The following ABCB5 variants were observed in gnomAD, a reference collection of about 807,000 sequenced individuals.
ABCB5 encodes the protein ATP-binding cassette sub-family B member 5.
In ABCB5, 155 loss-of-function variants were observed where a neutral mutation model predicts 144.2. The observed-to-expected ratio is 1.08, with a 90% CI of 0.94 to 1.23. ABCB5 has a LOEUF of 1.23. Ranked by LOEUF, ABCB5 falls within the 50% of genes most tolerant of loss-of-function variation. The probability of loss-of-function intolerance (pLI) is 0.00; values close to 1 mark genes in which losing one functional copy is unlikely to be tolerated. For synonymous variants in ABCB5, 610 were observed against 528.6 expected, an observed-to-expected ratio of 1.15 and a Z score of -2.11; for missense variants, 1,830 against 1,520.8, an observed-to-expected ratio of 1.20 and a Z score of -3.38.
At chr7:20,681,724 C>T (rs1455903192) in intron 15 of ABCB5, 58 bp downstream of exon 15, 3 of 1,544,510 alleles carry the variant, frequency 1.9e-6, no homozygotes, top group South Asian at 1.2e-5. Flanking sequence ...AGAGATCATA[C>T]CACACTAGAA....
At chr7:20,689,269 G>T (rs1310426514) in intron 16 of ABCB5, among the ~76,000 whole-genome samples, 2 of 152,180 alleles carry the variant, frequency 1.3e-5, no homozygotes, top group African/African-American at 2.4e-5. Context: ...GGAGAGGCAG[G>T]CCTCAATGGA....
At chr7:20,645,528 G>A (rs2128023562) in intron 7 of ABCB5, among the ~76,000 whole-genome samples, 1 of 152,300 alleles carries the variant, frequency 6.6e-6, no homozygotes, top group Non-Finnish European at 1.5e-5. Context: ...ATGGAGAAAA[G>A]GGCATGTGAA....
At chr7:20,639,199 G>A (rs1784233370) in intron 5 of ABCB5, among the ~76,000 whole-genome samples, 1 of 152,010 alleles carries the variant, frequency 6.6e-6, no homozygotes, top group Admixed American at 6.6e-5. Context: ...TTTAAATTGT[G>A]CCATTTGTCT....
At chr7:20,661,631 G>A (rs1347341681) in intron 14 of ABCB5, among the ~76,000 whole-genome samples, 2 of 150,768 alleles carry the variant, frequency 1.3e-5, no homozygotes, top group Non-Finnish European at 2.9e-5. Context: ...CGCCTCCTGG[G>A]ATAAGCAGTT....
chr7:20,748,487 T>C (rs914577156), intron 26 of ABCB5, among the ~76,000 whole-genome samples: 30 of 151,938 alleles, frequency 2.0e-4, no homozygotes, highest in South Asian at 1.7e-3. Context: ...CTGTCTTTAC[T>C]AATAATACAA....
chr7:20,724,628 C>CAA (rs34395637), intron 21 of ABCB5, among the ~76,000 whole-genome samples: 23,897 of 88,452 alleles, frequency 0.27, 3,060 homozygotes, highest in Non-Finnish European at 0.35. Context: ...AGCTCTGTCT[C>CAA]AAAAAAAAAA....
intron 20 of ABCB5, among the ~76,000 whole-genome samples, chr7:20,713,125 T>A (rs1291119090): frequency 6.7e-6 from 1 of 149,816 alleles, no homozygotes; most frequent in Non-Finnish European, 1.5e-5. Flanking sequence ...AGATTCTACA[T>A]ATAAGTGAGA....
chr7:20,648,194 G>A, intron 11 of ABCB5, 116 bp downstream of exon 11: 2 of 656,308 alleles, frequency 3.0e-6, no homozygotes, highest in Non-Finnish European at 5.3e-6. Flanking sequence ...TGGCTACTTT[G>A]CTTAGAGACT....
rs1166322539 is a variant in ABCB5 at position 20,661,529 on chromosome 7, C to CTTTTCT, written c.1707+2864_1707+2869dup. 3.8e-5 allele frequency among the ~76,000 whole-genome samples: 5 copies of CTTTTCT among 130,462 alleles called. No individual in the cohort carries two copies. In the South Asian group the frequency reaches 1.3e-3, roughly 33 times the overall value. 85.6% of individuals were successfully genotyped at this position (130,462 alleles called of 152,430 possible). ...AGAAATATTCTTTTTTGCTTTCTTTCTTTTCTTTTTCTTTTTTTTTTTTTG... is the reference window on the plus strand; with the variant it reads ...AGAAATATTCTTTTTTGCTTTCTTTCTTTTCTTTTTCTTTTTCTTTTTTTTTTTTTG... On this transcript the variant is annotated intron_variant, in intron 14 of 27. Coordinates refer to ENST00000404938, the MANE Select transcript of ABCB5 (RefSeq NM_001163941.2).
chr7:20,738,604 C>T (rs1001442281), intron 23 of ABCB5, among the ~76,000 whole-genome samples: 1 of 152,186 alleles, frequency 6.6e-6, no homozygotes, highest in African/African-American at 2.4e-5. Context: ...CTGTGTAAAT[C>T]CAGATCTCAC....
Position 20,739,092 on chromosome 7 carries a change from G to GA in ABCB5, c.2981dup (p.Lys995GlufsTer18). The GA allele has an allele frequency of 6.2e-7, 1 of 1,609,796 alleles. No homozygotes were observed. The highest frequency in any genetic ancestry group is 8.5e-7 in the Non-Finnish European group (1 of 1,178,134). On this transcript the variant is annotated frameshift_variant, in exon 24 of 28. Transcript: ENST00000404938. LOFTEE classifies it high-confidence loss of function. The stretch of plus-strand genomic sequence containing the variant: ...GGCTGCGCATCTGTTTGCCTTGTTG[G>GA]AAAAGAAACCAAATATAGACAGCCG...
At chr7:20,708,167 T>C (rs973503781) in intron 20 of ABCB5, among the ~76,000 whole-genome samples, 1 of 152,182 alleles carries the variant, frequency 6.6e-6, no homozygotes, top group African/African-American at 2.4e-5. Flanking sequence ...TGACATTACT[T>C]TTGATTCAAA....
chr7:20,657,121 C>A (rs59488551), intron 13 of ABCB5, among the ~76,000 whole-genome samples: 30,030 of 151,640 alleles, frequency 0.2, 3,237 homozygotes, highest in African/African-American at 0.28. Context: ...GTTGCCCAGG[C>A]TGGTGTCAAA....
intron 26 of ABCB5, among the ~76,000 whole-genome samples, chr7:20,752,300 C>A (rs1291844860): frequency 3.3e-5 from 5 of 152,168 alleles, no homozygotes; most frequent in Non-Finnish European, 5.9e-5. Context: ...CAATGTGAAG[C>A]CTTGAAAGGA....
At chr7:20,652,075 T>C (rs1784613910) in intron 13 of ABCB5, among the ~76,000 whole-genome samples, 1 of 152,172 alleles carries the variant, frequency 6.6e-6, no homozygotes, top group Admixed American at 6.5e-5. Context: ...ATGAAAGATA[T>C]GTTAAAGCAT....
In ABCB5 at chr7:20,726,347, A is replaced by G. The variant is rs890737032; in HGVS notation, c.2626-693A>G. On this transcript the variant is annotated intron_variant, in intron 21 of 27. Coordinates refer to ENST00000404938, the MANE Select transcript of ABCB5 (RefSeq NM_001163941.2). ...AATAAAATAATTATGTGATTACTTT[A>G]TCTCTGCTATCTTTTTTTTTTTTTT... 5.4e-5 allele frequency among the ~76,000 whole-genome samples: 7 copies of G among 130,178 alleles called. No homozygotes were observed. The East Asian group carries it at 1.6e-3, about 30-fold the overall frequency. The allele number at this position is 130,178 out of a possible 152,430, so 85.4% of individuals were successfully genotyped here.
intron 14 of ABCB5, among the ~76,000 whole-genome samples, chr7:20,663,832 CA>C (rs1407933887): frequency 1.3e-5 from 2 of 151,242 alleles, no homozygotes; most frequent in Non-Finnish European, 2.9e-5. Flanking sequence ...TCTCCTGCCT[CA>C]CCCTCCAGAG....
At chr7:20,667,718 TGCCCCTGCCC>T (rs1785249452) in intron 14 of ABCB5, among the ~76,000 whole-genome samples, 1 of 126,096 alleles carries the variant, frequency 7.9e-6, no homozygotes, top group African/African-American at 2.9e-5. Flanking sequence ...CCCCTGCCCC[TGCCCCTGCCC>T]CTGCCTCTGC....
At position 20,711,849 on chromosome 7, in the gene ABCB5, CTT is replaced by C. The variant is rs1486175655; in HGVS notation, c.2421+7044_2421+7045del. Among the ~76,000 whole-genome samples the C allele has an allele frequency of 3.8e-4, 23 of 60,746 alleles. 2 individuals carry two copies. The highest frequency in any genetic ancestry group is 1.3e-3 in the African/African-American group (19 of 15,040). The allele number at this position is 60,746 out of a possible 152,430, so 39.9% of individuals were successfully genotyped here. On this transcript the variant is annotated intron_variant, in intron 20 of 27. Transcript: ENST00000404938. ...CTTTCTTTCTTTCTTTCTTTCTTTTCTTTCTTTCTTTCCTTCCTCCCTCCCTC... is the reference window on the plus strand; with the variant it reads ...CTTTCTTTCTTTCTTTCTTTCTTTTCTCTTTCTTTCCTTCCTCCCTCCCTC...
Sources: allele counts gnomAD v4.1 joint callset (sites outside exome capture counted in the v4.1 genomes callset), GRCh38; gene constraint gnomAD v4.1.1; transcripts MANE v1.5; gene names NCBI Gene and HGNC (gene_info 2026-07-23, HGNC 2026-07-21).